Variants in TEX101 observed in about 807,000 individuals in gnomAD.
The protein encoded by TEX101 is testis-expressed protein 101.
Under a neutral mutation model 18.1 loss-of-function variants are expected in TEX101, and 10 were observed. That is an observed-to-expected ratio of 0.55 (90% confidence interval 0.34 to 0.94). TEX101 has a LOEUF of 0.94. Among genes scored for constraint, TEX101 ranks in the 40% least tolerant of loss-of-function variants. The pLI, the probability that TEX101 is intolerant of heterozygous loss-of-function variation, is 0.02. For synonymous variants in TEX101, 94 were observed against 114.8 expected (o/e 0.82, Z 1.16); for missense variants, 259 against 298.9 (o/e 0.87, Z 0.98).
At chr19:43,404,125 A>T (rs1343521333) in intron 2 of TEX101, among the ~76,000 whole-genome samples, 3 of 131,862 alleles carry the variant, frequency 2.3e-5, no homozygotes, top group Non-Finnish European at 4.6e-5. Context: ...TAAGACAGGT[A>T]TGTGTAAGAA....
the TEX101 span, among the ~76,000 whole-genome samples, chr19:43,390,238 G>T: frequency 6.6e-6 from 1 of 152,004 alleles, no homozygotes; most frequent in African/African-American, 2.4e-5. Flanking sequence ...ATGTGTGCAG[G>T]CATGAAGAGC....
chr19:43,397,849 T>A (rs1425937107), upstream of TEX101, among the ~76,000 whole-genome samples: 1 of 107,014 alleles, frequency 9.3e-6, no homozygotes, highest in Non-Finnish European at 1.8e-5. Context: ...TATAAATATA[T>A]AATATATATA....
At position 43,416,573 on chromosome 19, in the gene TEX101, G is replaced by GA; in HGVS notation, c.391+19dup. ...GACCACAGGTACCCTGGAAGTGGGG[G>GA]AGATAGGTACTAAGAGAAACTCCAT... On this transcript the variant is annotated intron_variant, in intron 4 of 5. Coordinates refer to ENST00000598265, the MANE Select transcript of TEX101 (RefSeq NM_001130011.3). 4 of 1,607,908 alleles carry GA rather than the reference G, an allele frequency of 2.5e-6. No homozygotes were observed. Among genetic ancestry groups the GA allele is most frequent in the Non-Finnish European group, 3.4e-6 (4 of 1,176,432 alleles).
chr19:43,391,040 G>A, the TEX101 span, among the ~76,000 whole-genome samples: 383 of 152,304 alleles, frequency 2.5e-3, no homozygotes, highest in African/African-American at 8.4e-3. Context: ...AGCAGAAAGA[G>A]CTCAAGGCTC....
At chr19:43,414,702 C>G (rs1415971177), upstream of TEX101, among the ~76,000 whole-genome samples, 1 of 152,232 alleles carries the variant, frequency 6.6e-6, no homozygotes, top group African/African-American at 2.4e-5. Flanking sequence ...GCAGGATCTT[C>G]CGGCCGGTTT....
At chr19:43,418,118 C>G in intron 5 of TEX101, 50 bp from the exon 6 acceptor site, 2 of 1,611,994 alleles carry the variant, frequency 1.2e-6, no homozygotes, top group Non-Finnish European at 1.7e-6. Flanking sequence ...GGATTCTCCT[C>G]TGATGTCCTA....
At chr19:43,392,386 G>C in the TEX101 span, among the ~76,000 whole-genome samples, 1 of 152,086 alleles carries the variant, frequency 6.6e-6, no homozygotes, top group Non-Finnish European at 1.5e-5. Flanking sequence ...AAGAGAGAGT[G>C]AGGGGAGAGA....
chr19:43,407,014 T>G (rs1970372450), intron 3 of TEX101, among the ~76,000 whole-genome samples: 1 of 151,076 alleles, frequency 6.6e-6, no homozygotes, highest in Non-Finnish European at 1.5e-5. Context: ...CTGCGCTATG[T>G]GAGCTATGTG....
chr19:43,413,691 G>A (rs1445664747), upstream of TEX101, among the ~76,000 whole-genome samples: 1 of 152,136 alleles, frequency 6.6e-6, no homozygotes, highest in African/African-American at 2.4e-5. Flanking sequence ...GGTGGCTCAC[G>A]TCTGTAATCC....
At chr19:43,413,200 G>A (rs1204281389), upstream of TEX101, among the ~76,000 whole-genome samples, 3 of 152,162 alleles carry the variant, frequency 2.0e-5, no homozygotes, top group East Asian at 3.9e-4. Context: ...CCTCGAAGTT[G>A]TAAGCCTTTA....
At chr19:43,391,213 T>C in the TEX101 span, among the ~76,000 whole-genome samples, 1 of 152,168 alleles carries the variant, frequency 6.6e-6, no homozygotes, top group Admixed American at 6.5e-5. Flanking sequence ...AACAAAGACA[T>C]GCAAATATCT....
At chr19:43,393,107 A>AAGGAAG in the TEX101 span, among the ~76,000 whole-genome samples, 20 of 78,024 alleles carry the variant, frequency 2.6e-4, no homozygotes, top group Middle Eastern at 6.9e-3. Context: ...AAGGAAGGAA[A>AAGGAAG]GAAAGAAGGA....
chr19:43,404,164 G>A (rs767926565), intron 2 of TEX101, among the ~76,000 whole-genome samples: 9 of 146,172 alleles, frequency 6.2e-5, no homozygotes, highest in African/African-American at 1.3e-4. Context: ...GCTTTATCAC[G>A]ACAACTCTGG....
chr19:43,400,423 G>C (rs149001170), upstream of TEX101, among the ~76,000 whole-genome samples: 90 of 152,140 alleles, frequency 5.9e-4, no homozygotes, highest in Middle Eastern at 3.2e-3. Context: ...TTGGGTTTTC[G>C]TTTAAATGCA....
At position 43,416,680 on chromosome 19, in the gene TEX101, A is replaced by G. The variant is rs150958011; in HGVS notation, c.391+125A>G. The G allele has an allele frequency of 1.0e-4, 94 of 902,620 alleles. No individual in the cohort carries two copies. The Middle Eastern group carries it at 3.2e-3, about 30-fold the overall frequency. The allele number at this position is 902,620 out of a possible 1,614,324, so 55.9% of individuals were successfully genotyped here. A position where few individuals can be genotyped will look rare whatever the true frequency, so the allele number is the denominator to read the frequency against. On this transcript the variant is annotated intron_variant, in intron 4 of 5. Coordinates refer to ENST00000598265, the MANE Select transcript of TEX101 (RefSeq NM_001130011.3). ...CATACCCCAAAGTACCTCACAGTTC[A>G]AGTAATTTTATGTTTCTGAATTGTT...
At chr19:43,410,801 C>G (rs1193511721), upstream of TEX101, among the ~76,000 whole-genome samples, 1 of 151,060 alleles carries the variant, frequency 6.6e-6, no homozygotes, top group Non-Finnish European at 1.5e-5. Flanking sequence ...CATGTGCACA[C>G]ACAAACATGC....
intron 2 of TEX101, among the ~76,000 whole-genome samples, chr19:43,403,136 C>T (rs1295249338): frequency 1.3e-5 from 2 of 152,182 alleles, no homozygotes; most frequent in African/African-American, 4.8e-5. Flanking sequence ...GGTAGGATCT[C>T]ACCAGTGTAA....
intron 2 of TEX101, among the ~76,000 whole-genome samples, chr19:43,403,598 G>C (rs1380893428): frequency 6.6e-6 from 1 of 150,744 alleles, no homozygotes; most frequent in Admixed American, 6.6e-5. Flanking sequence ...ATTTAAAAAA[G>C]GAAATACCAA....
chr19:43,406,355 T>C (rs1267923090), exon 3 of TEX101: 2 of 650,410 alleles, frequency 3.1e-6, no homozygotes, highest in Non-Finnish European at 5.6e-6. Context: ...ATTCCCACCG[T>C]CCCTACATAG....
Sources: allele counts gnomAD v4.1 joint callset (sites outside exome capture counted in the v4.1 genomes callset), GRCh38; gene constraint gnomAD v4.1.1; transcripts MANE v1.5; gene names NCBI Gene and HGNC (gene_info 2026-07-23, HGNC 2026-07-21).